The following USH1C variants were observed in gnomAD, a reference collection of about 807,000 sequenced individuals.
USH1C encodes the protein USH1 protein network component harmonin.
In USH1C, 90 loss-of-function variants were observed where a neutral mutation model predicts 119.3. That is an observed-to-expected ratio of 0.75 (90% confidence interval 0.64 to 0.90). USH1C has a LOEUF of 0.90. USH1C is among the 40% of genes least tolerant of loss of function. The pLI is 0.00. For missense variants in USH1C, 1,165 were observed against 1,167.7 expected (o/e 1.00, Z 0.03); for synonymous variants, 465 against 443.3 (o/e 1.05, Z -0.62).
At chr11:17,533,757 A>C (rs769076441) in intron 1 of USH1C, 11 of 461,032 alleles carry the variant, frequency 2.4e-5, no homozygotes, top group South Asian at 1.7e-4. Flanking sequence ...GCTTTCAGGA[A>C]GGATTTGGGC....
Position 17,511,929 on chromosome 11 carries a change from C to A in USH1C, c.1386G>T (p.Gln462His). 1 of 1,614,020 alleles carries A rather than the reference C, an allele frequency of 6.2e-7. No homozygotes were observed. The highest frequency in any genetic ancestry group is 8.5e-7 in the Non-Finnish European group (1 of 1,179,990). The change falls in exon 16 of 27, where the codon CAG (glutamine) becomes CAT (histidine). Residue 462 changes from glutamine to histidine, a missense_variant. Coordinates refer to ENST00000005226, the MANE Select transcript of USH1C (RefSeq NM_153676.4). ...CCTGGGCCAGCCGGTTGATCTTTAG[C>A]TGCTTTTCCTTCTCCAGCATTTCCT... ...EKEEMLEKEK[Q>H]LKINRLAQEV...
Position 17,510,281 on chromosome 11 carries a change from G to A in USH1C, c.1530+124C>T, listed in dbSNP as rs930506468. 2.2e-5 allele frequency: 17 copies of A among 787,724 alleles called. No individual in the cohort carries two copies. The Admixed American group carries it at 2.6e-4, about 12-fold the overall frequency. 48.8% of individuals were successfully genotyped at this position (787,724 alleles called of 1,614,324 possible). A position where few individuals can be genotyped will look rare whatever the true frequency, so the allele number is the denominator to read the frequency against. On this transcript the variant is annotated intron_variant, in intron 17 of 26. Transcript: ENST00000005226. The stretch of plus-strand genomic sequence containing the variant: ...GAGTGGGGTGGTAGGGGTGGGCCTG[G>A]ACAGTGGATGGGCACTGTGAGGCTA...
At position 17,531,537 on chromosome 11, in the gene USH1C, A is replaced by G. The variant is rs531538376; in HGVS notation, c.110T>C (p.Met37Thr). 2 of 1,613,226 alleles carry G rather than the reference A, an allele frequency of 1.2e-6. No homozygotes were observed. The highest frequency in any genetic ancestry group is 2.2e-5 in the East Asian group (1 of 44,860). Residue 37 changes from methionine to threonine, a missense_variant, in exon 3 of 27, where the codon ATG becomes ACG. Met to Thr is a moderately conservative substitution (Grantham distance 81, BLOSUM62 -1). Coordinates refer to ENST00000005226, the MANE Select transcript of USH1C (RefSeq NM_153676.4). The surrounding 1 kb of genome is among the most constrained non-coding windows in gnomAD (Gnocchi z 4.2). Reference sequence around the variant, plus strand: ...GTCTCCCACGAGCACGGCCACGTCCATGGTCCTGTGGAGATGCCGGGAATG... The same window carrying G: ...GTCTCCCACGAGCACGGCCACGTCCGTGGTCCTGTGGAGATGCCGGGAATG... ...YDVLRMYHQT[M>T]DVAVLVGDLK...
rs370705094 is a variant in USH1C, at chr11:17,510,426, A to G, written c.1509T>C (p.Ser503=). ...TTACCTCTGAAATCTCATTATCAGC[A>G]GAGGAAATCTGCTCGAGGCGCGTTT... ...LCQTRLEQIS[S]ADNEISEMTT... The change falls in exon 17 of 27, where the codon TCT becomes TCC. Residue 503 remains serine (S), a synonymous_variant. Coordinates refer to ENST00000005226, the MANE Select transcript of USH1C (RefSeq NM_153676.4). The G allele has an allele frequency of 1.2e-5, 20 of 1,612,352 alleles. No individual in the cohort carries two copies. Among genetic ancestry groups the G allele is most frequent in the Non-Finnish European group, 1.6e-5 (19 of 1,179,700 alleles).
chr11:17,519,885 A>G (rs565154425), intron 14 of USH1C, among the ~76,000 whole-genome samples: 95 of 152,298 alleles, frequency 6.2e-4, no homozygotes, highest in African/African-American at 2.2e-3. Context: ...TAGGTCTCAT[A>G]TGTGACCCAA....
At chr11:17,504,176 A>G (rs564445890) in intron 20 of USH1C, among the ~76,000 whole-genome samples, 1 of 152,286 alleles carries the variant, frequency 6.6e-6, no homozygotes, top group South Asian at 2.1e-4. Flanking sequence ...AGGCACAGGG[A>G]GGACCTCAGC....
intron 4 of USH1C, 39 bp from the exon 5 acceptor site, chr11:17,527,370 G>T: frequency 6.5e-7 from 1 of 1,526,974 alleles, no homozygotes; most frequent in Non-Finnish European, 9.0e-7. Context: ...CAGGTGGAGG[G>T]AGCATCAGGC....
intron 1 of USH1C, among the ~76,000 whole-genome samples, chr11:17,542,449 C>A (rs141860381): frequency 1.3e-5 from 2 of 152,244 alleles, no homozygotes; most frequent in Admixed American, 6.5e-5. Context: ...CCTTGCCTAG[C>A]GCATGGCGCC....
At chr11:17,503,333 C>T (rs972595492) in intron 20 of USH1C, among the ~76,000 whole-genome samples, 3 of 152,184 alleles carry the variant, frequency 2.0e-5, no homozygotes, top group Admixed American at 6.5e-5. Flanking sequence ...CCTCCTTGCT[C>T]CATGATCCTG....
chr11:17,532,555 T>C (rs1289943227), intron 2 of USH1C, among the ~76,000 whole-genome samples: 1 of 152,156 alleles, frequency 6.6e-6, no homozygotes, highest in East Asian at 1.9e-4. Context: ...CTGCCTCAGC[T>C]TCTCAAAGTT....
chr11:17,504,072 G>A (rs775323211), intron 20 of USH1C, among the ~76,000 whole-genome samples: 34 of 152,174 alleles, frequency 2.2e-4, no homozygotes, highest in Non-Finnish European at 4.1e-4. Context: ...CTCCATGGAG[G>A]TACCCCAGGA....
At position 17,531,026 on chromosome 11, in the gene USH1C, C is replaced by A; in HGVS notation, c.387+128G>T. On this transcript the variant is annotated intron_variant, in intron 4 of 26. Transcript: ENST00000005226. This position sits in a 1 kb window ranked among gnomAD's most constrained non-coding sequence, Gnocchi z 4.2. ...AAGAACACCCATCAGGATGCGCCAG[C>A]CTCTTCTTCACCCGAAGGCTCAGAA... is the stretch of plus-strand genomic sequence containing the variant. The A allele has an allele frequency of 6.9e-7, 1 of 1,447,116 alleles. No homozygotes were observed. Among genetic ancestry groups the A allele is most frequent in the Non-Finnish European group, 9.5e-7 (1 of 1,056,452 alleles). The allele number at this position is 1,447,116 out of a possible 1,614,324, so 89.6% of individuals were successfully genotyped here.
At chr11:17,515,796 A>T (rs537444798) in intron 15 of USH1C, among the ~76,000 whole-genome samples, 17 of 152,200 alleles carry the variant, frequency 1.1e-4, no homozygotes, top group African/African-American at 3.6e-4. Context: ...CTCTGTCCCA[A>T]CCTGAGGCAG....
chr11:17,543,860 A>G (rs759651443), intron 1 of USH1C, among the ~76,000 whole-genome samples: 4 of 152,202 alleles, frequency 2.6e-5, no homozygotes, highest in Admixed American at 6.5e-5. Flanking sequence ...CCCTTCTCCC[A>G]ACCCTCACCT....
intron 25 of USH1C, among the ~76,000 whole-genome samples, chr11:17,496,314 A>G (rs1469797189): frequency 1.3e-5 from 2 of 152,222 alleles, no homozygotes; most frequent in African/African-American, 4.8e-5. Context: ...GCGTGGGGAC[A>G]AAAGCCTGTG....
intron 4 of USH1C, among the ~76,000 whole-genome samples, chr11:17,528,125 G>T (rs1850790819): frequency 6.6e-6 from 1 of 152,206 alleles, no homozygotes. Flanking sequence ...GTGAACTTGT[G>T]CATGTAAAGA....
At position 17,544,329 on chromosome 11, in the gene USH1C, G is replaced by A; in HGVS notation, c.-22C>T. The A allele has an allele frequency of 6.2e-7, 1 of 1,613,914 alleles. No individual in the cohort carries two copies. Among genetic ancestry groups the A allele is most frequent in the Non-Finnish European group, 8.5e-7 (1 of 1,179,936 alleles). On this transcript the variant is annotated 5_prime_UTR_variant, in exon 1 of 27. In the 5' UTR this introduces an upstream ATG that the reference lacks. Coordinates refer to ENST00000005226, the MANE Select transcript of USH1C (RefSeq NM_153676.4). ...CCATGGCTGGGCCAGGTCCAGCTGC[G>A]TCGTTGCACGACCCGTTCCTTCGGG...
At position 17,509,619 on chromosome 11, in the gene USH1C, A is replaced by T; in HGVS notation, c.1750T>A (p.Leu584Ile). The T allele has an allele frequency of 6.6e-7, 1 of 1,521,312 alleles. No homozygotes were observed. The highest frequency in any genetic ancestry group is 1.7e-5 in the African/African-American group (1 of 59,684). The allele number at this position is 1,521,312 out of a possible 1,614,324, so 94.2% of individuals were successfully genotyped here. A position where few individuals can be genotyped will look rare whatever the true frequency, so the allele number is the denominator to read the frequency against. ...HKVPAPPVLP[L>I]SGHVSASSSP... ...GATGAGGCGCTCACATGGCCAGATA[A>T]GGGAAGGACAGGGGGCGCCGGGACC... The change falls in exon 18 of 27, where the codon TTA (leucine) becomes ATA (isoleucine). Residue 584 changes from leucine to isoleucine, a missense_variant. Leu to Ile is a conservative substitution (Grantham distance 5, BLOSUM62 2). Coordinates refer to ENST00000005226, the MANE Select transcript of USH1C (RefSeq NM_153676.4).
rs370406274 is a variant in USH1C, at chr11:17,503,944, T to C, written c.2184+703A>G. On this transcript the variant is annotated intron_variant, in intron 20 of 26. Transcript: ENST00000005226. ...GCTCCCTGCCTGTAGTCAAATCAGC[T>C]TGTGGTCTGTTGGTGGGTTATCAGT... 2.0e-5 allele frequency among the ~76,000 whole-genome samples: 3 copies of C among 152,228 alleles called. No individual in the cohort carries two copies. The South Asian group carries it at 6.2e-4, about 32-fold the overall frequency.
Sources: allele counts gnomAD v4.1 joint callset (sites outside exome capture counted in the v4.1 genomes callset), GRCh38; gene constraint gnomAD v4.1.1; non-coding constraint Gnocchi (gnomAD v3.1); transcripts MANE v1.5; gene names NCBI Gene and HGNC (gene_info 2026-07-23, HGNC 2026-07-21).